Variants in NMU observed in about 807,000 individuals in gnomAD.
The protein encoded by NMU is neuromedin-U.
A neutral mutation model predicts 35.4 loss-of-function variants in NMU; 29 were observed. That is an observed-to-expected ratio of 0.82 (90% confidence interval 0.61 to 1.12). The LOEUF (loss-of-function observed/expected upper bound fraction) is 1.12, where lower values mean the gene tolerates loss of function less well. Ranked by LOEUF, NMU falls within the 50% of genes most tolerant of loss-of-function variation. NMU has a pLI of 0.00. For synonymous variants in NMU, 78 were observed against 81.3 expected, an observed-to-expected ratio of 0.96 and a Z score of 0.22; for missense variants, 199 against 206.2, an observed-to-expected ratio of 0.97 and a Z score of 0.21.
At position 55,636,121 on chromosome 4, in the gene NMU, C is replaced by T; in HGVS notation, c.72G>A (p.Leu24=). ...GQVAAASPLL[L]LLLLLAWCAG... ...CGCACCAGGCGAGCAGCAGCAGCAG[C>T]AGCAGGAGCGGGGACGCCGCGGCCA... Residue 24 remains leucine (L), a synonymous_variant, in exon 1 of 10, where the codon CTG becomes CTA. Coordinates refer to ENST00000264218, the MANE Select transcript of NMU (RefSeq NM_006681.4). The surrounding 1 kb of genome is among the most constrained non-coding windows in gnomAD (Gnocchi z 4.0). 1 of 1,528,586 alleles carries T rather than the reference C, an allele frequency of 6.5e-7. No individual in the cohort carries two copies. Among genetic ancestry groups the T allele is most frequent in the Middle Eastern group, 2.2e-4 (1 of 4,576 alleles). The allele number at this position is 1,528,586 out of a possible 1,614,324, so 94.7% of individuals were successfully genotyped here.
At chr4:55,608,850 A>G (rs1733811821) in intron 4 of NMU, among the ~76,000 whole-genome samples, 1 of 152,210 alleles carries the variant, frequency 6.6e-6, no homozygotes, top group African/African-American at 2.4e-5. Context: ...GAGAGCCAAC[A>G]TGACCCCATA....
chr4:55,627,407 A>T (rs1162431784), intron 2 of NMU, among the ~76,000 whole-genome samples: 2 of 138,888 alleles, frequency 1.4e-5, no homozygotes, highest in East Asian at 4.4e-4. Context: ...TTTTTTTTTT[A>T]AAGTAAATGA....
At chr4:55,601,548 ACTGTATACATGTAT>A (rs1351349977) in intron 7 of NMU, among the ~76,000 whole-genome samples, 14 of 152,204 alleles carry the variant, frequency 9.2e-5, no homozygotes, top group Non-Finnish European at 2.1e-4. Flanking sequence ...AAATGTACAC[ACTGTATACATGTAT>A]CAAAATATCA....
chr4:55,633,930 CCTTCTTTATTTTACTAGTGTTCT>C (rs1311668572), intron 1 of NMU, among the ~76,000 whole-genome samples: 1 of 152,192 alleles, frequency 6.6e-6, no homozygotes, highest in Non-Finnish European at 1.5e-5. Context: ...TAGGAAGTTT[CCTTCTTTATTTTACTAGTGTTCT>C]CTGAATAGTA....
chr4:55,618,265 A>C (rs1461100245), intron 2 of NMU, among the ~76,000 whole-genome samples: 1 of 152,092 alleles, frequency 6.6e-6, no homozygotes, highest in African/African-American at 2.4e-5. Context: ...GGTTTGTTAC[A>C]TAGGTATACA....
chr4:55,635,794 T>G (rs62308714), intron 1 of NMU, among the ~76,000 whole-genome samples: 6 of 152,222 alleles, frequency 3.9e-5, no homozygotes, highest in Non-Finnish European at 7.3e-5. Context: ...GAGGGAACCC[T>G]ACCAGTCTCC....
intron 1 of NMU, among the ~76,000 whole-genome samples, chr4:55,635,111 G>A (rs1280308649): frequency 6.6e-6 from 1 of 152,184 alleles, no homozygotes; most frequent in Non-Finnish European, 1.5e-5. Context: ...GGAGAGCAGA[G>A]GGAAGCTAAG....
chr4:55,607,509 A>C lies in NMU; in HGVS notation c.280-43T>G, dbSNP rs954543643. 3.5e-5 allele frequency: 25 copies of C among 721,478 alleles called. No individual in the cohort carries two copies. In the East Asian group the frequency reaches 6.6e-4, roughly 19 times the overall value. 44.7% of individuals were successfully genotyped at this position (721,478 alleles called of 1,614,324 possible). ...TGTATATATCATTATATATTGTAAA[A>C]TTTTACTATCTTATATACAGTAATT... On this transcript the variant is annotated intron_variant, in intron 4 of 9. Transcript: ENST00000264218.
intron 9 of NMU, among the ~76,000 whole-genome samples, chr4:55,598,549 G>T (rs1007607108): frequency 6.6e-6 from 1 of 152,148 alleles, no homozygotes; most frequent in Admixed American, 6.6e-5. Flanking sequence ...TATTAAACAT[G>T]TGGGAACAGT....
At chr4:55,603,945 A>ATG (rs776854189) in intron 7 of NMU, among the ~76,000 whole-genome samples, 20,650 of 105,418 alleles carry the variant, frequency 0.2, 5,599 homozygotes, top group Middle Eastern at 0.28. Flanking sequence ...ATATATATAT[A>ATG]TGTATATATG....
intron 3 of NMU, among the ~76,000 whole-genome samples, chr4:55,614,902 T>A (rs17781708): frequency 0.16 from 24,036 of 152,228 alleles, 2,194 homozygotes; most frequent in South Asian, 0.23. Context: ...AAAAACATCA[T>A]CTATTGTGAT....
intron 2 of NMU, among the ~76,000 whole-genome samples, chr4:55,626,913 C>T (rs1734554594): frequency 6.6e-6 from 1 of 152,160 alleles, no homozygotes; most frequent in Admixed American, 6.5e-5. Context: ...AGATATTGCC[C>T]TATATGATTT....
intron 9 of NMU, among the ~76,000 whole-genome samples, chr4:55,597,628 G>T (rs1733242777): frequency 6.6e-6 from 1 of 152,206 alleles, no homozygotes; most frequent in Admixed American, 6.5e-5. Context: ...GGCCTCCCAA[G>T]GTGCTGGGAT....
At chr4:55,609,283 CT>C (rs1733833830) in intron 3 of NMU, 104 bp from the exon 4 acceptor site, 9 of 832,436 alleles carry the variant, frequency 1.1e-5, no homozygotes, top group Admixed American at 5.6e-5. Flanking sequence ...TGCTAACTAC[CT>C]GGAAAAGAAT....
chr4:55,613,293 G>A (rs1269337732), intron 3 of NMU, among the ~76,000 whole-genome samples: 3 of 151,788 alleles, frequency 2.0e-5, no homozygotes, highest in Non-Finnish European at 2.9e-5. Flanking sequence ...ATTTACCCCT[G>A]AACCTAAAAT....
chr4:55,598,309 G>T (rs1347106248), intron 9 of NMU, among the ~76,000 whole-genome samples: 3 of 151,844 alleles, frequency 2.0e-5, no homozygotes, highest in African/African-American at 7.3e-5. Flanking sequence ...CTGTGCTCAG[G>T]TGATCCTCGT....
chr4:55,609,302 T>C, intron 3 of NMU, 123 bp from the exon 4 acceptor site: 1 of 752,632 alleles, frequency 1.3e-6, no homozygotes, highest in South Asian at 1.5e-5. Flanking sequence ...AATCCTTCTG[T>C]AGATTATTAA....
intron 1 of NMU, among the ~76,000 whole-genome samples, chr4:55,631,748 A>G (rs1438634887): frequency 6.6e-6 from 1 of 152,272 alleles, no homozygotes; most frequent in Non-Finnish European, 1.5e-5. Flanking sequence ...TATGGAAAAC[A>G]GTATGGAAAT....
At chr4:55,634,510 G>A (rs1715798732) in intron 1 of NMU, among the ~76,000 whole-genome samples, 1 of 152,160 alleles carries the variant, frequency 6.6e-6, no homozygotes, top group South Asian at 2.1e-4. Flanking sequence ...TACAGTTACT[G>A]TTCAATCAAC....
Sources: allele counts gnomAD v4.1 joint callset (sites outside exome capture counted in the v4.1 genomes callset), GRCh38; gene constraint gnomAD v4.1.1; non-coding constraint Gnocchi (gnomAD v3.1); transcripts MANE v1.5; gene names NCBI Gene and HGNC (gene_info 2026-07-23, HGNC 2026-07-21).